Variants in KLF8 observed in about 807,000 individuals in gnomAD.
KLF8 encodes KLF transcription factor 8, also known as Krueppel-like factor 8.
KLF8 carries 10 observed loss-of-function variants against 18.2 expected under a neutral mutation model. The ratio of observed to expected loss-of-function variants is 0.55; its 90% CI spans 0.34 to 0.93. KLF8 has a LOEUF of 0.93. KLF8 is among the 40% of genes least tolerant of loss of function. The pLI is 0.02. For missense variants in KLF8, 264 were observed against 277.9 expected (o/e 0.95, Z 0.36); for synonymous variants, 109 against 97.3 (o/e 1.12, Z -0.71).
the KLF8 span, among the ~76,000 whole-genome samples, chrX:56,077,408 C>G: frequency 1.8e-5 from 2 of 111,863 alleles, no homozygotes; most frequent in Non-Finnish European, 3.8e-5. Context: ...AATCCTTTCC[C>G]CATTTCTTGT....
At chrX:56,120,621 C>T in the KLF8 span, among the ~76,000 whole-genome samples, 2 of 111,671 alleles carry the variant, frequency 1.8e-5, no homozygotes, top group Non-Finnish European at 3.8e-5. Context: ...AGTGTTATTG[C>T]TAGCTCCAGA....
chrX:56,245,011 G>A (rs1443894606), intron 1 of KLF8, among the ~76,000 whole-genome samples: 1 of 112,223 alleles, frequency 8.9e-6, no homozygotes, highest in African/African-American at 3.2e-5. Flanking sequence ...GAGGACTAAA[G>A]TTTCAGTTCT....
At chrX:56,033,732 T>G in the KLF8 span, among the ~76,000 whole-genome samples, 1 of 111,964 alleles carries the variant, frequency 8.9e-6, no homozygotes, top group Non-Finnish European at 1.9e-5. Flanking sequence ...TATATTGTGG[T>G]TTTAATTTGC....
chrX:56,059,356 A>G, the KLF8 span, among the ~76,000 whole-genome samples: 5 of 111,848 alleles, frequency 4.5e-5, no homozygotes, highest in Non-Finnish European at 7.5e-5. Flanking sequence ...CTTTAGTTTA[A>G]TTAGATCCCA....
At chrX:56,282,141 T>G (rs1356634320) in intron 5 of KLF8, among the ~76,000 whole-genome samples, 2 of 112,348 alleles carry the variant, frequency 1.8e-5, no homozygotes, top group Admixed American at 9.4e-5. Flanking sequence ...AAAATTTAAT[T>G]TACACACTCT....
At chrX:56,054,963 G>T in the KLF8 span, among the ~76,000 whole-genome samples, 1 of 111,423 alleles carries the variant, frequency 9.0e-6, no homozygotes, top group Admixed American at 9.5e-5. Flanking sequence ...TTAAGTCTAT[G>T]TGTGTGATTT....
chrX:56,031,692 C>G, the KLF8 span, among the ~76,000 whole-genome samples: 1 of 111,649 alleles, frequency 9.0e-6, no homozygotes, highest in Non-Finnish European at 1.9e-5. Context: ...TCAGTCACCT[C>G]GTTTCCCAGT....
chrX:56,174,448 A>C, the KLF8 span, among the ~76,000 whole-genome samples: 1 of 111,974 alleles, frequency 8.9e-6, no homozygotes, highest in African/African-American at 3.2e-5. Context: ...GATGAAGCCC[A>C]CTTGATCATG....
At chrX:56,154,943 A>T in the KLF8 span, among the ~76,000 whole-genome samples, 6 of 112,198 alleles carry the variant, frequency 5.3e-5, no homozygotes, top group East Asian at 2.8e-4. Context: ...ATCATTAAAA[A>T]GTCAGGAAAC....
intron 1 of KLF8, among the ~76,000 whole-genome samples, chrX:56,246,447 C>A (rs1248016267): frequency 8.9e-6 from 1 of 112,059 alleles, no homozygotes; most frequent in Admixed American, 9.5e-5. Flanking sequence ...AATACTTGAA[C>A]ATATATCAAC....
chrX:56,211,941 A>G, the KLF8 span, among the ~76,000 whole-genome samples: 2 of 110,660 alleles, frequency 1.8e-5, no homozygotes, highest in Non-Finnish European at 3.8e-5. Context: ...AATCTAGCAA[A>G]TCTCAGCGGC....
chrX:56,266,772 G>C (rs1168004672), intron 3 of KLF8: 2 of 749,009 alleles, frequency 2.7e-6, no homozygotes, highest in Non-Finnish European at 3.1e-6. Flanking sequence ...AAATGACTAG[G>C]AAGCAGATTT....
At chrX:56,008,659 A>G in the KLF8 span, among the ~76,000 whole-genome samples, 8 of 111,882 alleles carry the variant, frequency 7.2e-5, no homozygotes, top group Non-Finnish European at 1.5e-4. Flanking sequence ...GGTGACGGCC[A>G]TCACTGCAAT....
chrX:56,274,758 A>G (rs2067100113), intron 5 of KLF8, among the ~76,000 whole-genome samples: 1 of 111,710 alleles, frequency 9.0e-6, no homozygotes, highest in Admixed American at 9.5e-5. Context: ...TATTGAAGAG[A>G]CAGTCCATTC....
the KLF8 span, among the ~76,000 whole-genome samples, chrX:56,180,384 T>A: frequency 1.8e-5 from 2 of 111,432 alleles, no homozygotes; most frequent in African/African-American, 6.5e-5. Context: ...CTTAGCAGTG[T>A]ATCAATTTTA....
chrX:56,240,636 T>C (rs1228212809), intron 1 of KLF8, among the ~76,000 whole-genome samples: 3 of 111,542 alleles, frequency 2.7e-5, no homozygotes, highest in Non-Finnish European at 5.6e-5. Flanking sequence ...ATATTCAATA[T>C]TAGAGTTTGC....
the KLF8 span, among the ~76,000 whole-genome samples, chrX:56,148,503 G>A: frequency 1.8e-5 from 2 of 111,485 alleles, no homozygotes; most frequent in Admixed American, 1.9e-4. Context: ...AGTAGAAGTA[G>A]CAAAAGGAAA....
At chrX:55,966,431 GGAA>G in the KLF8 span, among the ~76,000 whole-genome samples, 191 of 111,968 alleles carry the variant, frequency 1.7e-3, 2 homozygotes, top group African/African-American at 5.6e-3. Flanking sequence ...GACTCTATTT[GGAA>G]GAAAACAAGG....
chrX:56,088,276 G>C, the KLF8 span, among the ~76,000 whole-genome samples: 1 of 111,664 alleles, frequency 9.0e-6, no homozygotes, highest in African/African-American at 3.2e-5. Flanking sequence ...ACTTTCCATT[G>C]CACATGGAAT....
Sources: allele counts gnomAD v4.1 joint callset (sites outside exome capture counted in the v4.1 genomes callset), GRCh38; gene constraint gnomAD v4.1.1; transcripts MANE v1.5; gene names NCBI Gene and HGNC (gene_info 2026-07-23, HGNC 2026-07-21).